The following SPNS3 variants were observed in gnomAD, a reference collection of about 807,000 sequenced individuals.
The protein encoded by SPNS3 is protein spinster homolog 3.
SPNS3 carries 51 observed loss-of-function variants against 54.4 expected under a neutral mutation model. That is an observed-to-expected ratio of 0.94 (90% CI 0.75 to 1.18). The LOEUF (loss-of-function observed/expected upper bound fraction) is 1.18, where lower values mean the gene tolerates loss of function less well. Ranked by LOEUF, SPNS3 falls within the 50% of genes most tolerant of loss-of-function variation. SPNS3 has a pLI of 0.00. For synonymous variants in SPNS3, 309 were observed against 294.7 expected (o/e 1.05, Z -0.50); for missense variants, 669 against 677.4 (o/e 0.99, Z 0.14).
chr17:4,439,954 G>T (rs981234351), intron 2 of SPNS3, among the ~76,000 whole-genome samples: 21 of 152,164 alleles, frequency 1.4e-4, no homozygotes, highest in Non-Finnish European at 5.9e-5. Context: ...GGGAGGTGGG[G>T]CTGGGAGAGG....
At chr17:4,474,906 C>T (rs991173714) in intron 8 of SPNS3, among the ~76,000 whole-genome samples, 1 of 152,106 alleles carries the variant, frequency 6.6e-6, no homozygotes, top group African/African-American at 2.4e-5. Flanking sequence ...GTAGTTGTGG[C>T]GTGTGAGTTC....
chr17:4,448,739 G>A (rs758795429), intron 6 of SPNS3, among the ~76,000 whole-genome samples: 10 of 152,212 alleles, frequency 6.6e-5, no homozygotes, highest in Non-Finnish European at 1.5e-4. Flanking sequence ...GGGGAGGCAG[G>A]CAGGAGTCAA....
At chr17:4,443,336 G>C (rs1290548275) in intron 2 of SPNS3, among the ~76,000 whole-genome samples, 1 of 152,200 alleles carries the variant, frequency 6.6e-6, no homozygotes, top group East Asian at 1.9e-4. Context: ...TTCCCAAAGT[G>C]CTGGGATTAC....
chr17:4,456,308 G>T (rs558880369), intron 8 of SPNS3, among the ~76,000 whole-genome samples: 4 of 152,196 alleles, frequency 2.6e-5, no homozygotes, highest in East Asian at 1.9e-4. Flanking sequence ...CGCAAGCAGT[G>T]GGGGGCCAAA....
rs1400345045 is a variant in SPNS3 at position 4,453,300 on chromosome 17, T to A, written c.1113+95T>A. The A allele has an allele frequency of 2.5e-6, 3 of 1,196,686 alleles. No individual in the cohort carries two copies. The East Asian group carries it at 7.0e-5, about 28-fold the overall frequency. 74.1% of individuals were successfully genotyped at this position (1,196,686 alleles called of 1,614,324 possible). On this transcript the variant is annotated intron_variant, in intron 8 of 11. Coordinates refer to ENST00000355530, the MANE Select transcript of SPNS3 (RefSeq NM_182538.5). Reference sequence around the variant, plus strand: ...TGCTGCGCCCGGCCTTTATGTACAATTATGTTGATCACTCCTTCTGAGTAG... The same window carrying A: ...TGCTGCGCCCGGCCTTTATGTACAAATATGTTGATCACTCCTTCTGAGTAG...
rs57690623 is a variant in SPNS3 at position 4,459,574 on chromosome 17, A to C, written c.1113+6369A>C. On this transcript the variant is annotated intron_variant, in intron 8 of 11. Transcript: ENST00000355530. ...TAAAAATACAAAAAATTAGCTGGGC[A>C]TGGTGGTGTGTGCCTGTGGTCTCAG... is the stretch of plus-strand genomic sequence containing the variant. 3.8e-3 allele frequency among the ~76,000 whole-genome samples: 581 copies of C among 152,178 alleles called. 2 individuals are homozygous for C. The highest frequency in any genetic ancestry group is 0.013 in the African/African-American group (547 of 41,516).
chr17:4,458,905 C>CT (rs1375172321), intron 8 of SPNS3, among the ~76,000 whole-genome samples: 6 of 152,124 alleles, frequency 3.9e-5, no homozygotes, highest in African/African-American at 1.4e-4. Context: ...GGCCCAGCCC[C>CT]TTATCCCGGC....
chr17:4,457,341 CT>C (rs890231570), intron 8 of SPNS3, among the ~76,000 whole-genome samples: 3 of 152,188 alleles, frequency 2.0e-5, no homozygotes, highest in Non-Finnish European at 4.4e-5. Flanking sequence ...GCAGTGAGCT[CT>C]GATCATGCCA....
rs373975017 is a variant in SPNS3, at chr17:4,486,609, G to A, written c.1450+26G>A. On this transcript the variant is annotated intron_variant, in intron 11 of 11. Coordinates refer to ENST00000355530, the MANE Select transcript of SPNS3 (RefSeq NM_182538.5). The surrounding 1 kb of genome is among the most constrained non-coding windows in gnomAD (Gnocchi z 5.5). ...GTACCCTACCCATTGCACCAGGCCC[G>A]GCTCAGGGCCGGCACCCTAGGGACA... 2.3e-5 allele frequency: 36 copies of A among 1,591,476 alleles called. No homozygotes were observed. Among genetic ancestry groups the A allele is most frequent in the South Asian group, 4.5e-5 (4 of 89,328 alleles).
Position 4,439,662 on chromosome 17 carries a change from G to T in SPNS3, c.204G>T (p.Val68=), listed in dbSNP as rs199634616. The T allele has an allele frequency of 4.2e-5, 67 of 1,612,916 alleles. No individual in the cohort carries two copies. The highest frequency in any genetic ancestry group is 5.6e-5 in the Non-Finnish European group (66 of 1,179,644). ...NYMNWFIIAG[V]LLDIQEVFQI... Reference sequence around the variant, plus strand: ...GCACTGTCCCTCTGTCTGCAGGAGTGCTGCTGGATATACAGGAGGTTTTCC... The same window carrying T: ...GCACTGTCCCTCTGTCTGCAGGAGTTCTGCTGGATATACAGGAGGTTTTCC... The change falls in exon 2 of 12, where the codon GTG becomes GTT. Residue 68 remains valine, a synonymous_variant. Coordinates refer to ENST00000355530, the MANE Select transcript of SPNS3 (RefSeq NM_182538.5).
chr17:4,485,923 C>T (rs909136111), intron 9 of SPNS3, among the ~76,000 whole-genome samples: 9 of 152,236 alleles, frequency 5.9e-5, no homozygotes, highest in African/African-American at 2.2e-4. Flanking sequence ...TGGGACACCC[C>T]AGCCTCATTC....
chr17:4,449,375 G>C lies in SPNS3; in HGVS notation c.911G>C (p.Ser304Thr). The C allele has an allele frequency of 6.2e-7, 1 of 1,600,988 alleles. No individual in the cohort carries two copies. The highest frequency in any genetic ancestry group is 2.2e-5 in the East Asian group (1 of 44,718). The part of the protein sequence containing the change: ...LQPPCFQEPC[S>T]NPDSLIFGAL... ...CCTCCCTGCTTCCAGGAGCCGTGCA[G>C]CAACCCCGACAGGTGAGGGCATCCG... The change falls in exon 7 of 12, where the codon AGC becomes ACC. Residue 304 changes from serine (S) to threonine (T), a missense_variant. Physicochemically the swap from Ser to Thr is moderately conservative, Grantham distance 58. Coordinates refer to ENST00000355530, the MANE Select transcript of SPNS3 (RefSeq NM_182538.5).
intron 6 of SPNS3, 77 bp from the exon 7 acceptor site, chr17:4,449,158 C>T (rs914821007): frequency 4.6e-6 from 7 of 1,518,690 alleles, no homozygotes; most frequent in Non-Finnish European, 6.2e-6. Flanking sequence ...CTAGACTGCC[C>T]AGGAGTGGGG....
At chr17:4,453,293 T>G (rs1313963342) in intron 8 of SPNS3, 88 bp downstream of exon 8, 2 of 1,225,324 alleles carry the variant, frequency 1.6e-6, no homozygotes, top group Non-Finnish European at 2.3e-6. Flanking sequence ...CCGGCCTTTA[T>G]GTACAATTAT....
chr17:4,450,986 A>C (rs904397957), intron 7 of SPNS3, among the ~76,000 whole-genome samples: 2 of 151,830 alleles, frequency 1.3e-5, no homozygotes, highest in African/African-American at 4.8e-5. Context: ...TGGAGGGAAC[A>C]TGAAGGGCTT....
Position 4,486,325 on chromosome 17 carries a change from T to G in SPNS3, c.1277T>G (p.Leu426Arg). Residue 426 changes from leucine to arginine, a missense_variant and splice_region_variant, in exon 10 of 12, where the codon CTT becomes CGT. Coordinates refer to ENST00000355530, the MANE Select transcript of SPNS3 (RefSeq NM_182538.5). The surrounding 1 kb of genome is among the most constrained non-coding windows in gnomAD (Gnocchi z 5.5). ...GCTGGCAGCCCCTATCTCACAGGAC[T>G]TGTAAGACGTGTCTGCGTGTGTGGG... ...GDAGSPYLTG[L>R]ISSVLRARRP... 2 of 1,600,410 alleles carry G rather than the reference T, an allele frequency of 1.2e-6. No homozygotes were observed. Among genetic ancestry groups the G allele is most frequent in the Non-Finnish European group, 8.5e-7 (1 of 1,174,876 alleles).
chr17:4,487,881 C>T lies in SPNS3; in HGVS notation c.1526C>T (p.Thr509Ile). 6.2e-7 allele frequency: 1 copy of T among 1,613,844 alleles called. No homozygotes were observed. Among genetic ancestry groups the T allele is most frequent in the Non-Finnish European group, 8.5e-7 (1 of 1,179,722 alleles). The change falls in exon 12 of 12, where the codon ACA becomes ATA. Residue 509 changes from threonine (T) to isoleucine (I), a missense_variant. Coordinates refer to ENST00000355530, the MANE Select transcript of SPNS3 (RefSeq NM_182538.5). ...CTACTTTCGGGCGCTGGCGCCTCTA[C>T]AGAGGAGCCCTGAGGTCCCTGCCTA... Reference protein sequence around the residue: ...QGLLSGAGASTEEP With the variant: ...QGLLSGAGASIEEP
At chr17:4,440,828 G>A (rs902990328) in intron 2 of SPNS3, among the ~76,000 whole-genome samples, 3 of 152,196 alleles carry the variant, frequency 2.0e-5, no homozygotes, top group Admixed American at 6.6e-5. Flanking sequence ...TACAAGCGCA[G>A]GCAAGGAGCC....
At chr17:4,456,993 G>A (rs538197431) in intron 8 of SPNS3, among the ~76,000 whole-genome samples, 2 of 152,304 alleles carry the variant, frequency 1.3e-5, no homozygotes, top group Admixed American at 1.3e-4. Flanking sequence ...GGGATTACAG[G>A]CATGATCCAC....
Sources: gnomAD v4.1 joint callset for allele counts (sites outside exome capture counted in the v4.1 genomes callset) on GRCh38, gnomAD v4.1.1 for gene constraint, Gnocchi (gnomAD v3.1) non-coding constraint, MANE v1.5 for transcripts, NCBI Gene and HGNC (gene_info 2026-07-23, HGNC 2026-07-21) for gene names.